PIAS2: variants seen among roughly 807,000 people sequenced by gnomAD.
PIAS2 encodes protein inhibitor of activated STAT 2, also known as E3 SUMO-protein ligase PIAS2.
Under a neutral mutation model 69.7 loss-of-function variants are expected in PIAS2, and 19 were observed. That is an observed-to-expected ratio of 0.27 (90% confidence interval 0.19 to 0.40). PIAS2 has a LOEUF of 0.40. Among genes scored for constraint, PIAS2 ranks in the 10% least tolerant of loss-of-function variants. The pLI is 1.00. For synonymous variants in PIAS2, 261 were observed against 263.2 expected (o/e 0.99, Z 0.08); for missense variants, 624 against 757.0 (o/e 0.82, Z 2.06).
intron 2 of PIAS2, among the ~76,000 whole-genome samples, chr18:46,867,228 T>C (rs982712286): frequency 1.3e-5 from 2 of 152,170 alleles, no homozygotes; most frequent in South Asian, 4.1e-4. Context: ...TCAATCCAGA[T>C]TATAATCTCA....
At chr18:46,861,274 AG>A (rs1386560817) in intron 3 of PIAS2, among the ~76,000 whole-genome samples, 1 of 152,180 alleles carries the variant, frequency 6.6e-6, no homozygotes, top group Non-Finnish European at 1.5e-5. Flanking sequence ...AATGAAAGAA[AG>A]AAAAGAAAAG....
intron 2 of PIAS2, among the ~76,000 whole-genome samples, chr18:46,887,079 G>T (rs533891528): frequency 1.1e-4 from 16 of 152,110 alleles, no homozygotes; most frequent in South Asian, 1.0e-3. Context: ...AGTCTAAAAC[G>T]TTCTTTTTAC....
chr18:46,816,546 T>C (rs1226710716), intron 12 of PIAS2: 1 of 592,858 alleles, frequency 1.7e-6, no homozygotes, highest in East Asian at 1.4e-4. Context: ...GGCACAATCA[T>C]AGGTAACTGT....
At chr18:46,845,720 C>G (rs1009854256) in intron 6 of PIAS2, among the ~76,000 whole-genome samples, 2 of 151,718 alleles carry the variant, frequency 1.3e-5, no homozygotes, top group Admixed American at 6.6e-5. Context: ...AGCTGCCAAA[C>G]CAAGTATTTT....
chr18:46,821,185 T>A, intron 11 of PIAS2, 113 bp from the exon 12 acceptor site: 1 of 988,620 alleles, frequency 1.0e-6, no homozygotes, highest in Non-Finnish European at 1.6e-6. Flanking sequence ...AGCACAACTA[T>A]ATGGCAGCTA....
At position 46,811,111 on chromosome 18, in the gene PIAS2, C is replaced by T. The variant is rs2040972379; in HGVS notation, c.*1322G>A. On this transcript the variant is annotated 3_prime_UTR_variant, in exon 14 of 14. Coordinates refer to ENST00000585916, the MANE Select transcript of PIAS2 (RefSeq NM_004671.5). Reference sequence around the variant, plus strand: ...AATTTTCAAAGTGCACCCAATAAAACCTCAGAGGTTCCCTGGAGTGTTTGG... The same window carrying T: ...AATTTTCAAAGTGCACCCAATAAAATCTCAGAGGTTCCCTGGAGTGTTTGG... 1 of 152,052 alleles carries T rather than the reference C, an allele frequency of 6.6e-6. No individual in the cohort carries two copies. Among genetic ancestry groups the T allele is most frequent in the Admixed American group, 6.5e-5 (1 of 15,276 alleles). 9.4% of individuals were successfully genotyped at this position (152,052 alleles called of 1,614,324 possible).
rs1453356977 is a variant in PIAS2, at chr18:46,807,381, A to AT, written c.*5051dup. 4.1e-3 allele frequency: 81 copies of AT among 19,834 alleles called. No homozygotes were observed. The highest frequency in any genetic ancestry group is 7.0e-3 in the East Asian group (6 of 856). 1.2% of individuals were successfully genotyped at this position (19,834 alleles called of 1,614,324 possible). A position where few individuals can be genotyped will look rare whatever the true frequency, so the allele number is the denominator to read the frequency against. ...TATATATATATATATATATATATATATATTTTTTTTTTTTTTTTTTTTTTT... is the reference window on the plus strand; with the variant it reads ...TATATATATATATATATATATATATATTATTTTTTTTTTTTTTTTTTTTTTT... On this transcript the variant is annotated 3_prime_UTR_variant, in exon 14 of 14. Coordinates refer to ENST00000585916, the MANE Select transcript of PIAS2 (RefSeq NM_004671.5).
chr18:46,916,879 A>G, intron 1 of PIAS2: 1 of 985,528 alleles, frequency 1.0e-6, no homozygotes, highest in Non-Finnish European at 1.2e-6. Flanking sequence ...TCCTAAACGC[A>G]ACTTCAGCTT....
chr18:46,827,129 C>T (rs1007544257), intron 11 of PIAS2: 2 of 152,066 alleles, frequency 1.3e-5, no homozygotes, highest in African/African-American at 4.8e-5. Context: ...TAAATTATAA[C>T]TCAGTAAAGC....
Position 46,812,568 on chromosome 18 carries a change from T to C in PIAS2, c.1731A>G (p.Thr577=). Residue 577 remains threonine (T), a synonymous_variant, in exon 14 of 14, where the codon ACA becomes ACG. Transcript: ENST00000585916. ...MFLDSLTSPL[T]ASSTSVTTTS... ...TGGTGGTGACAGACGTACTGCTTGC[T>C]GTTAAGGGTGAGGTGAGACTATCCA... 6.2e-7 allele frequency: 1 copy of C among 1,613,600 alleles called. No homozygotes were observed. Among genetic ancestry groups the C allele is most frequent in the Middle Eastern group, 1.7e-4 (1 of 6,060 alleles).
At chr18:46,882,673 T>C (rs1449325085) in intron 2 of PIAS2, among the ~76,000 whole-genome samples, 2 of 152,256 alleles carry the variant, frequency 1.3e-5, no homozygotes, top group African/African-American at 2.4e-5. Flanking sequence ...TGAAAGCCCA[T>C]TGAAGATGTA....
At chr18:46,917,516 C>T, upstream of PIAS2, 1 of 1,158,488 alleles carries the variant, frequency 8.6e-7, no homozygotes. Context: ...GTGAACGGCG[C>T]GGGAGCTCCG....
At chr18:46,815,031 C>T (rs565293462) in intron 13 of PIAS2, among the ~76,000 whole-genome samples, 50 of 152,266 alleles carry the variant, frequency 3.3e-4, no homozygotes, top group African/African-American at 1.2e-3. Flanking sequence ...CCCAGCACTG[C>T]TTCTATTCAT....
intron 6 of PIAS2, among the ~76,000 whole-genome samples, chr18:46,846,122 T>C (rs1028744906): frequency 3.3e-5 from 5 of 152,180 alleles, no homozygotes; most frequent in Admixed American, 6.5e-5. Flanking sequence ...AAAATGTAAA[T>C]TCCTTGTTGT....
rs1256517645 is a variant in PIAS2, at chr18:46,812,422, T to C, written c.*11A>G. 1.3e-6 allele frequency: 2 copies of C among 1,570,176 alleles called. No individual in the cohort carries two copies. The highest frequency in any genetic ancestry group is 2.3e-5 in the South Asian group (2 of 87,594). ...CTGATGAATGATTCCCAGAATCAAGTGAGTCCTCCTTTAGTCCAATGAGAT... is the reference window on the plus strand; with the variant it reads ...CTGATGAATGATTCCCAGAATCAAGCGAGTCCTCCTTTAGTCCAATGAGAT... On this transcript the variant is annotated 3_prime_UTR_variant, in exon 14 of 14. Transcript: ENST00000585916.
At chr18:46,898,606 A>G (rs2055274973) in intron 1 of PIAS2, among the ~76,000 whole-genome samples, 1 of 152,264 alleles carries the variant, frequency 6.6e-6, no homozygotes. Context: ...GCTGAAAAAG[A>G]GTATTAAAAA....
intron 5 of PIAS2, chr18:46,852,953 G>A (rs1008231114): frequency 1.3e-5 from 2 of 152,228 alleles, no homozygotes; most frequent in Admixed American, 1.3e-4. Context: ...ATAATGGGAG[G>A]GGCAAATAGC....
upstream of PIAS2, chr18:46,919,929 G>A (rs1322501958): frequency 2.0e-6 from 1 of 490,752 alleles, no homozygotes; most frequent in Non-Finnish European, 3.7e-6. Flanking sequence ...GCCACTGTGG[G>A]AGGAGTTTTC....
intron 2 of PIAS2, among the ~76,000 whole-genome samples, chr18:46,880,462 G>T (rs147062352): frequency 6.6e-6 from 1 of 152,238 alleles, no homozygotes; most frequent in African/African-American, 2.4e-5. Flanking sequence ...CATACCTATA[G>T]TCCCAGCTAC....
Sources: gnomAD v4.1 joint callset for allele counts (sites outside exome capture counted in the v4.1 genomes callset) on GRCh38, gnomAD v4.1.1 for gene constraint, MANE v1.5 for transcripts, NCBI Gene and HGNC (gene_info 2026-07-23, HGNC 2026-07-21) for gene names.